Variants in PTPRE observed in about 807,000 individuals in gnomAD.
The protein encoded by PTPRE is protein tyrosine phosphatase receptor type E.
PTPRE carries 51 observed loss-of-function variants against 102.0 expected under a neutral mutation model. The ratio of observed to expected loss-of-function variants is 0.50; its 90% confidence interval spans 0.40 to 0.63. The LOEUF is 0.63. Among genes scored for constraint, PTPRE ranks in the 30% least tolerant of loss-of-function variants. The pLI is 0.00. For synonymous variants in PTPRE, 345 were observed against 348.2 expected, an observed-to-expected ratio of 0.99 and a Z score of 0.10; for missense variants, 752 against 915.1, an observed-to-expected ratio of 0.82 and a Z score of 2.30.
chr10:128,004,926 C>T (rs956033621), intron 2 of PTPRE, among the ~76,000 whole-genome samples: 2 of 152,156 alleles, frequency 1.3e-5, no homozygotes, highest in African/African-American at 4.8e-5. Context: ...TAAATTATAG[C>T]CATCCTAAGA....
chr10:127,936,707 G>A lies in PTPRE; in HGVS notation c.-31+29398G>A, dbSNP rs1034697689. Among the ~76,000 whole-genome samples the A allele has an allele frequency of 2.0e-5, 3 of 152,146 alleles. No homozygotes were observed. In the East Asian group the frequency reaches 5.8e-4, roughly 29 times the overall value. The stretch of plus-strand genomic sequence containing the variant: ...TCCCATTTTACAGAGAGTCCGTGGG[G>A]CTGAGAGGTGTCATGAATTATTCTA... On this transcript the variant is annotated intron_variant, in intron 1 of 20. Transcript: ENST00000254667.
intron 2 of PTPRE, among the ~76,000 whole-genome samples, chr10:127,995,823 G>GCA (rs143328396): frequency 0.045 from 6,698 of 148,216 alleles, 273 homozygotes; most frequent in African/African-American, 0.11. Flanking sequence ...CTCTACACGA[G>GCA]CACACACACA....
intron 1 of PTPRE, among the ~76,000 whole-genome samples, chr10:127,950,966 G>A (rs752855323): frequency 9.2e-5 from 14 of 151,974 alleles, no homozygotes; most frequent in Non-Finnish European, 1.6e-4. Context: ...GCATCGTGGC[G>A]GGCGCCTATA....
intron 1 of PTPRE, among the ~76,000 whole-genome samples, chr10:127,975,830 T>C (rs1275945387): frequency 6.6e-6 from 1 of 152,088 alleles, no homozygotes; most frequent in Non-Finnish European, 1.5e-5. Flanking sequence ...AAACAGGCCT[T>C]GTTTTCGAGG....
At chr10:127,959,272 C>T (rs1849628660) in intron 1 of PTPRE, among the ~76,000 whole-genome samples, 2 of 152,196 alleles carry the variant, frequency 1.3e-5, no homozygotes, top group Admixed American at 6.5e-5. Flanking sequence ...TGGAGAAAAA[C>T]AGTGCAAGAG....
At chr10:127,979,284 C>G (rs551688270) in intron 1 of PTPRE, among the ~76,000 whole-genome samples, 87 of 152,314 alleles carry the variant, frequency 5.7e-4, no homozygotes, top group African/African-American at 2.1e-3. Context: ...TCAAACCAAC[C>G]TCCCCAACCC....
intron 11 of PTPRE, among the ~76,000 whole-genome samples, chr10:128,066,930 A>G (rs1850160593): frequency 6.6e-6 from 1 of 151,540 alleles, no homozygotes; most frequent in African/African-American, 2.4e-5. Flanking sequence ...ACAGGCACAC[A>G]CATGCACACA....
Position 128,082,996 on chromosome 10 carries a change from T to C in PTPRE, c.*90T>C. On this transcript the variant is annotated 3_prime_UTR_variant, in exon 21 of 21. Coordinates refer to ENST00000254667, the MANE Select transcript of PTPRE (RefSeq NM_006504.6). ...TTATTTCATAGTTGACATTAATATC[T>C]TCCCTAATTTCTTTGTATATATTTT... 8.0e-7 allele frequency: 1 copy of C among 1,252,228 alleles called. No homozygotes were observed. Among genetic ancestry groups the C allele is most frequent in the East Asian group, 2.9e-5 (1 of 33,950 alleles). The allele number at this position is 1,252,228 out of a possible 1,614,324, so 77.6% of individuals were successfully genotyped here.
chr10:127,945,563 T>C (rs1848566181), intron 1 of PTPRE, among the ~76,000 whole-genome samples: 1 of 152,116 alleles, frequency 6.6e-6, no homozygotes, highest in Non-Finnish European at 1.5e-5. Context: ...AGGAATGGGG[T>C]TTGGCAGTGA....
chr10:128,061,716 G>T lies in PTPRE; in HGVS notation c.625+1G>T. On this transcript the variant is annotated splice_donor_variant, in intron 9 of 20. Coordinates refer to ENST00000254667, the MANE Select transcript of PTPRE (RefSeq NM_006504.6). LOFTEE classifies it high-confidence loss of function. Reference sequence around the variant, plus strand: ...AAGAATAAATTCATAGCAGCTCAAGGTAAGCTTTTTATTAATTTCTCAACG... The same window carrying T: ...AAGAATAAATTCATAGCAGCTCAAGTTAAGCTTTTTATTAATTTCTCAACG... The T allele has an allele frequency of 2.5e-6, 4 of 1,582,246 alleles. No homozygotes were observed. The highest frequency in any genetic ancestry group is 3.4e-6 in the Non-Finnish European group (4 of 1,167,012).
At chr10:128,051,863 T>G (rs1330505748) in intron 6 of PTPRE, among the ~76,000 whole-genome samples, 1 of 152,072 alleles carries the variant, frequency 6.6e-6, no homozygotes, top group African/African-American at 2.4e-5. Context: ...TGTCATATTT[T>G]TGTTTTATTT....
chr10:127,964,386 G>A (rs140612792), intron 1 of PTPRE, among the ~76,000 whole-genome samples: 2,577 of 152,220 alleles, frequency 0.017, 86 homozygotes, highest in African/African-American at 0.057. Context: ...GGCCAGGCTG[G>A]TCTCAAACTC....
At chr10:127,977,289 G>C (rs1851253062) in intron 1 of PTPRE, among the ~76,000 whole-genome samples, 1 of 152,200 alleles carries the variant, frequency 6.6e-6, no homozygotes, top group Non-Finnish European at 1.5e-5. Flanking sequence ...ACTGCATGAA[G>C]TGGAGTTTTA....
chr10:128,030,163 C>T (rs1009801785), intron 2 of PTPRE, among the ~76,000 whole-genome samples: 2 of 152,238 alleles, frequency 1.3e-5, no homozygotes, highest in African/African-American at 2.4e-5. Context: ...CGTGTCCACT[C>T]AGCAAACACC....
At chr10:128,039,419 C>T (rs1847483764) in intron 2 of PTPRE, among the ~76,000 whole-genome samples, 1 of 152,012 alleles carries the variant, frequency 6.6e-6, no homozygotes, top group South Asian at 2.1e-4. Context: ...AGTAGGTGCT[C>T]ATGGAATTAT....
At chr10:128,039,098 A>G (rs1305344959) in intron 2 of PTPRE, among the ~76,000 whole-genome samples, 2 of 152,252 alleles carry the variant, frequency 1.3e-5, no homozygotes, top group Non-Finnish European at 2.9e-5. Flanking sequence ...ATTGTATTAA[A>G]CCAATTAATA....
Position 127,944,588 on chromosome 10 carries a change from G to A in PTPRE, c.-31+37279G>A, listed in dbSNP as rs770471961. Among the ~76,000 whole-genome samples, 2 of 151,688 alleles carry A rather than the reference G, an allele frequency of 1.3e-5. No individual in the cohort carries two copies. The highest frequency in any genetic ancestry group is 2.4e-5 in the African/African-American group (1 of 41,172). On this transcript the variant is annotated intron_variant, in intron 1 of 20. Coordinates refer to ENST00000254667, the MANE Select transcript of PTPRE (RefSeq NM_006504.6). This position sits in a 1 kb window ranked among gnomAD's most constrained non-coding sequence, Gnocchi z 4.2. ...GGTGGATAGATGGATGGATAGGTTA[G>A]TGAGGTTAGAAAAGTAGGCAGAAAC...
At chr10:127,971,498 C>A (rs554140177) in intron 1 of PTPRE, among the ~76,000 whole-genome samples, 2 of 152,284 alleles carry the variant, frequency 1.3e-5, no homozygotes, top group Admixed American at 1.3e-4. Context: ...CACTCGGTGC[C>A]GCCCTGAGGT....
chr10:128,079,129 T>C (rs537892592), intron 19 of PTPRE, among the ~76,000 whole-genome samples: 1 of 152,286 alleles, frequency 6.6e-6, no homozygotes, highest in Non-Finnish European at 1.5e-5. Context: ...AAGACACCCC[T>C]GGCACAGTAA....
Sources: gnomAD v4.1 joint callset for allele counts (sites outside exome capture counted in the v4.1 genomes callset) on GRCh38, gnomAD v4.1.1 for gene constraint, Gnocchi (gnomAD v3.1) non-coding constraint, MANE v1.5 for transcripts, NCBI Gene and HGNC (gene_info 2026-07-23, HGNC 2026-07-21) for gene names.